The following ADGRE2 variants were observed in gnomAD, a reference collection of about 807,000 sequenced individuals.
The protein encoded by ADGRE2 is CD97 antigen.
A neutral mutation model predicts 100.8 loss-of-function variants in ADGRE2; 83 were observed. That is an observed-to-expected ratio of 0.82 (90% CI 0.69 to 0.99). ADGRE2 has a LOEUF of 0.99. Among genes scored for constraint, ADGRE2 ranks in the 50% least tolerant of loss-of-function variants. The probability of loss-of-function intolerance (pLI) is 0.00; values close to 1 mark genes in which losing one functional copy is unlikely to be tolerated. For missense variants in ADGRE2, 814 were observed against 1,035.7 expected, an observed-to-expected ratio of 0.79 and a Z score of 2.94; for synonymous variants, 355 against 413.0, an observed-to-expected ratio of 0.86 and a Z score of 1.70.
rs2147066165 is a variant in ADGRE2 at position 14,735,106 on chromosome 19, A to G, written c.*1130T>C. 6.6e-6 allele frequency: 1 copy of G among 152,222 alleles called. No individual in the cohort carries two copies. 9.4% of individuals were successfully genotyped at this position (152,222 alleles called of 1,614,324 possible). On this transcript the variant is annotated 3_prime_UTR_variant, in exon 21 of 21. Coordinates refer to ENST00000315576, the MANE Select transcript of ADGRE2 (RefSeq NM_013447.4). ...CTTGCTTGTCTATGTCTGCAGCTCG[A>G]TTTTACAGGCTGTTCTTTGTTAGAA...
chr19:14,745,193 A>G (rs998685443), intron 18 of ADGRE2, among the ~76,000 whole-genome samples: 1 of 152,132 alleles, frequency 6.6e-6, no homozygotes, highest in African/African-American at 2.4e-5. Flanking sequence ...TACAGGCATG[A>G]GCCACCATGC....
At chr19:14,744,875 G>C (rs1175058677) in intron 18 of ADGRE2, among the ~76,000 whole-genome samples, 1 of 150,898 alleles carries the variant, frequency 6.6e-6, no homozygotes, top group Admixed American at 6.6e-5. Context: ...GAACAGGCAA[G>C]AAAATGTACG....
At chr19:14,756,754 T>G (rs2524388) in intron 11 of ADGRE2, among the ~76,000 whole-genome samples, 113,703 of 152,038 alleles carry the variant, frequency 0.75, 43,038 homozygotes, top group African/African-American at 0.84. Context: ...ATTTTATGAG[T>G]CTAATATTGC....
intron 20 of ADGRE2, among the ~76,000 whole-genome samples, chr19:14,738,039 C>T (rs893742730): frequency 6.6e-5 from 10 of 150,388 alleles, no homozygotes; most frequent in African/African-American, 2.0e-4. Flanking sequence ...ATCTACCATA[C>T]ATTTCAAACT....
Position 14,766,348 on chromosome 19 carries a change from C to A in ADGRE2, c.521G>T (p.Cys174Phe). The A allele has an allele frequency of 6.2e-7, 1 of 1,614,062 alleles. No individual in the cohort carries two copies. Among genetic ancestry groups the A allele is most frequent in the South Asian group, 1.1e-5 (1 of 91,078 alleles). The change falls in exon 7 of 21, where the codon TGC becomes TTC. Residue 174 changes from cysteine (C) to phenylalanine (F), a missense_variant. Transcript: ENST00000315576. ...GTTGAGGCAGTGGGTGGAGCTGTGG[C>A]ATGGGTTTTGTCCGGAGGTGCATTC... ...VNECTSGQNP[C>F]HSSTHCLNNV... is the part of the protein sequence containing the mutation.
At chr19:14,768,729 G>A (rs899734079) in intron 5 of ADGRE2, 1 of 152,304 alleles carries the variant, frequency 6.6e-6, no homozygotes, top group African/African-American at 2.4e-5. Context: ...CACTCAGGTG[G>A]ACCAAAACTA....
chr19:14,739,003 C>T (rs2042845481), intron 20 of ADGRE2, among the ~76,000 whole-genome samples: 1 of 138,504 alleles, frequency 7.2e-6, no homozygotes, highest in African/African-American at 2.8e-5. Context: ...TAGTCTCACT[C>T]TGTCACCCAG....
rs1338221786 is a variant in ADGRE2, at chr19:14,772,333, G to T, written c.355+9C>A. ...ACAGTGGTGATGGAGGATGTGGGGT[G>T]GTTCTTACCTTGACACGTGTTCTCG... On this transcript the variant is annotated intron_variant, in intron 5 of 20. Coordinates refer to ENST00000315576, the MANE Select transcript of ADGRE2 (RefSeq NM_013447.4). 6.2e-7 allele frequency: 1 copy of T among 1,613,936 alleles called. No homozygotes were observed. Among genetic ancestry groups the T allele is most frequent in the African/African-American group, 1.3e-5 (1 of 74,888 alleles).
chr19:14,767,829 A>G (rs2044049346), intron 5 of ADGRE2, among the ~76,000 whole-genome samples: 1 of 152,130 alleles, frequency 6.6e-6, no homozygotes, highest in African/African-American at 2.4e-5. Flanking sequence ...TGTGAATTGG[A>G]AAAAGGCATC....
intron 5 of ADGRE2, among the ~76,000 whole-genome samples, chr19:14,768,311 G>A (rs1002510682): frequency 2.0e-5 from 3 of 152,230 alleles, no homozygotes; most frequent in Admixed American, 1.3e-4. Context: ...AGTGGGGACC[G>A]ACATACAGCT....
rs2042683675 is a variant in ADGRE2, at chr19:14,732,679, CAT to C, written c.*3555_*3556del. On this transcript the variant is annotated 3_prime_UTR_variant, in exon 21 of 21. Coordinates refer to ENST00000315576, the MANE Select transcript of ADGRE2 (RefSeq NM_013447.4). ...AAAAGAAGAATGATATTTTGTGTCA[CAT>C]GACTGATATATGAAGTTCAAGCTCA... 1 of 152,190 alleles carries C rather than the reference CAT, an allele frequency of 6.6e-6. No homozygotes were observed. Among genetic ancestry groups the C allele is most frequent in the African/African-American group, 2.4e-5 (1 of 41,434 alleles). The allele number at this position is 152,190 out of a possible 1,614,324, so 9.4% of individuals were successfully genotyped here.
At chr19:14,755,439 C>T (rs533529501) in intron 13 of ADGRE2, among the ~76,000 whole-genome samples, 7 of 152,176 alleles carry the variant, frequency 4.6e-5, no homozygotes, top group South Asian at 4.1e-4. Context: ...GCTGACACAG[C>T]GAGACTCTGT....
intron 4 of ADGRE2, among the ~76,000 whole-genome samples, chr19:14,773,307 T>C (rs1185201069): frequency 6.8e-6 from 1 of 146,746 alleles, no homozygotes; most frequent in East Asian, 2.0e-4. Context: ...CCTTCCTTCT[T>C]TCCTCCCTCC....
rs569287037 is a variant in ADGRE2, at chr19:14,774,173, G to A, written c.82+83C>T. The A allele has an allele frequency of 7.3e-5, 111 of 1,516,948 alleles. No individual in the cohort carries two copies. The South Asian group carries it at 1.3e-3, about 18-fold the overall frequency. 94.0% of individuals were successfully genotyped at this position (1,516,948 alleles called of 1,614,324 possible). ...CGTGCACGAGCCCTCTCTTTCCCTGGGCTGAAGGGGGCTGGGCGGGGGTCC... is the reference window on the plus strand; with the variant it reads ...CGTGCACGAGCCCTCTCTTTCCCTGAGCTGAAGGGGGCTGGGCGGGGGTCC... On this transcript the variant is annotated intron_variant, in intron 3 of 20. Coordinates refer to ENST00000315576, the MANE Select transcript of ADGRE2 (RefSeq NM_013447.4).
At position 14,736,201 on chromosome 19, in the gene ADGRE2, G is replaced by A. The variant is rs1859258; in HGVS notation, c.*35C>T. The A allele has an allele frequency of 1.8e-4, 285 of 1,567,780 alleles. 5 individuals carry two copies. In the South Asian group the frequency reaches 3.0e-3, roughly 16 times the overall value. ...CTCAAAGATTGTTCAGATTTTCCAC[G>A]GGCAAAGAGGGAAGATCTTATTCAG... On this transcript the variant is annotated 3_prime_UTR_variant, in exon 21 of 21. Coordinates refer to ENST00000315576, the MANE Select transcript of ADGRE2 (RefSeq NM_013447.4).
intron 14 of ADGRE2, among the ~76,000 whole-genome samples, chr19:14,754,098 G>A (rs1349969238): frequency 1.4e-5 from 2 of 147,462 alleles, no homozygotes; most frequent in East Asian, 4.2e-4. Flanking sequence ...TGAAAAGAGA[G>A]ACTGGCCTAG....
At chr19:14,776,952 T>G (rs2044465443) in intron 1 of ADGRE2, 25 bp from the exon 2 acceptor site, 2 of 1,381,738 alleles carry the variant, frequency 1.4e-6, no homozygotes, top group African/African-American at 3.2e-5. Flanking sequence ...GAAAGCACAA[T>G]AAAAACACAG....
At chr19:14,759,524 TCTCA>T (rs2043634784) in intron 11 of ADGRE2, among the ~76,000 whole-genome samples, 2 of 148,694 alleles carry the variant, frequency 1.3e-5, no homozygotes, top group Non-Finnish European at 1.5e-5. Context: ...TTAGACGGAG[TCTCA>T]CTCTGTCACC....
downstream of ADGRE2, chr19:14,732,120 G>A (rs551684710): frequency 6.6e-6 from 1 of 152,212 alleles, no homozygotes; most frequent in African/African-American, 2.4e-5. Flanking sequence ...TTAGCATTAT[G>A]CCTTGCACGA....
Sources: gnomAD v4.1 joint callset for allele counts (sites outside exome capture counted in the v4.1 genomes callset) on GRCh38, gnomAD v4.1.1 for gene constraint, MANE v1.5 for transcripts, NCBI Gene and HGNC (gene_info 2026-07-23, HGNC 2026-07-21) for gene names.